SLC24A2: variants seen among roughly 807,000 people sequenced by gnomAD.
The protein encoded by SLC24A2 is sodium/potassium/calcium exchanger 2.
In SLC24A2, 36 loss-of-function variants were observed where a neutral mutation model predicts 62.0. That is an observed-to-expected ratio of 0.58 (90% CI 0.44 to 0.77). SLC24A2 has a LOEUF of 0.77. Ranked by LOEUF, SLC24A2 falls within the 30% of genes least tolerant of loss-of-function variation. SLC24A2 has a pLI of 0.00. For synonymous variants in SLC24A2, 358 were observed against 294.0 expected (o/e 1.22, Z -2.23); for missense variants, 846 against 817.9 (o/e 1.03, Z -0.42).
rs887071092 is a variant in SLC24A2 at position 19,657,250 on chromosome 9, C to T, written c.931-34951G>A. ...GTGGAAACTCAACCTGGCACTCCAT[C>T]GTCCACCATTATTGTTTTAAATCTT... On this transcript the variant is annotated intron_variant, in intron 2 of 10. Coordinates refer to ENST00000341998, the MANE Select transcript of SLC24A2 (RefSeq NM_020344.4). Among the ~76,000 whole-genome samples the T allele has an allele frequency of 6.6e-5, 10 of 152,164 alleles. No individual in the cohort carries two copies. In the East Asian group the frequency reaches 1.7e-3, roughly 26 times the overall value.
At chr9:19,560,781 T>C (rs567696937) in intron 7 of SLC24A2, among the ~76,000 whole-genome samples, 1 of 152,304 alleles carries the variant, frequency 6.6e-6, no homozygotes, top group African/African-American at 2.4e-5. Flanking sequence ...TGTGTTCACT[T>C]AGTTTATTTT....
At chr9:20,223,240 T>C in the SLC24A2 span, among the ~76,000 whole-genome samples, 21,183 of 152,092 alleles carry the variant, frequency 0.14, 1,744 homozygotes, top group African/African-American at 0.22. Context: ...TTGAAGTACA[T>C]AGAAAAACAC....
the SLC24A2 span, among the ~76,000 whole-genome samples, chr9:19,824,939 A>C: frequency 6.6e-6 from 1 of 152,174 alleles, no homozygotes; most frequent in African/African-American, 2.4e-5. Flanking sequence ...CAAACACTGC[A>C]TGTTCTCACT....
intron 2 of SLC24A2, among the ~76,000 whole-genome samples, chr9:19,772,929 G>A (rs150558768): frequency 4.5e-4 from 69 of 152,266 alleles, no homozygotes; most frequent in African/African-American, 1.6e-3. Context: ...CCCAAAATGT[G>A]AAAACAATCT....
At chr9:20,079,109 G>T in the SLC24A2 span, among the ~76,000 whole-genome samples, 1 of 144,708 alleles carries the variant, frequency 6.9e-6, no homozygotes, top group South Asian at 2.4e-4. Flanking sequence ...AATGATAATT[G>T]TCCTTACAGC....
chr9:19,575,382 C>T (rs940506424), intron 6 of SLC24A2, among the ~76,000 whole-genome samples: 2 of 152,086 alleles, frequency 1.3e-5, no homozygotes, highest in Admixed American at 6.5e-5. Context: ...TTGACCCTAG[C>T]AACACAAAAT....
At chr9:19,824,364 T>A in the SLC24A2 span, among the ~76,000 whole-genome samples, 1 of 152,086 alleles carries the variant, frequency 6.6e-6, no homozygotes. Context: ...GTGAAGGATA[T>A]GAACAAACAA....
At chr9:19,550,316 T>C in intron 7 of SLC24A2, 48 bp from the exon 8 acceptor site, 1 of 1,590,892 alleles carries the variant, frequency 6.3e-7, no homozygotes, top group Non-Finnish European at 8.6e-7. Context: ...AAATAAAATG[T>C]ACACAGGCAC....
the SLC24A2 span, among the ~76,000 whole-genome samples, chr9:20,261,708 T>C: frequency 6.6e-6 from 1 of 150,880 alleles, no homozygotes; most frequent in African/African-American, 2.4e-5. Context: ...CTGGCCATTT[T>C]GAAAATTTGT....
At chr9:20,105,313 C>T in the SLC24A2 span, among the ~76,000 whole-genome samples, 13 of 152,062 alleles carry the variant, frequency 8.5e-5, no homozygotes, top group Admixed American at 3.3e-4. Flanking sequence ...AACAAGGATA[C>T]CCAGGAATCG....
chr9:20,050,607 A>G, the SLC24A2 span, among the ~76,000 whole-genome samples: 1 of 152,168 alleles, frequency 6.6e-6, no homozygotes, highest in South Asian at 2.1e-4. Context: ...CCTCACATCA[A>G]CTCCATAAGT....
intron 2 of SLC24A2, among the ~76,000 whole-genome samples, chr9:19,700,404 T>C (rs1820321707): frequency 6.6e-6 from 1 of 152,244 alleles, no homozygotes; most frequent in Non-Finnish European, 1.5e-5. Context: ...ATCAGCACTT[T>C]CTATTCTAAT....
chr9:19,790,286 T>C (rs1353076622), upstream of SLC24A2, among the ~76,000 whole-genome samples: 1 of 152,174 alleles, frequency 6.6e-6, no homozygotes, highest in African/African-American at 2.4e-5. Context: ...TGTAAGAAAG[T>C]AGTATAATGA....
chr9:19,527,955 G>A (rs1483187735), intron 9 of SLC24A2, 94 bp downstream of exon 9: 1 of 787,300 alleles, frequency 1.3e-6, no homozygotes, highest in East Asian at 2.7e-5. Context: ...CAATACTGTT[G>A]TGGCAGTTGC....
the SLC24A2 span, among the ~76,000 whole-genome samples, chr9:20,135,702 T>A: frequency 6.6e-6 from 1 of 151,978 alleles, no homozygotes; most frequent in Non-Finnish European, 1.5e-5. Flanking sequence ...GGCTGAAAAA[T>A]TATGTGCTCG....
the SLC24A2 span, among the ~76,000 whole-genome samples, chr9:20,129,603 G>T: frequency 6.6e-6 from 1 of 151,946 alleles, no homozygotes; most frequent in Non-Finnish European, 1.5e-5. Context: ...CTCATAAAAA[G>T]GAATGAAGCA....
At chr9:19,541,295 T>A in intron 8 of SLC24A2, among the ~76,000 whole-genome samples, 1 of 150,016 alleles carries the variant, frequency 6.7e-6, no homozygotes, top group African/African-American at 2.5e-5. Context: ...CTTTTTAGAG[T>A]TTCCAGTTTT....
chr9:19,600,552 G>A (rs190959624), intron 4 of SLC24A2, among the ~76,000 whole-genome samples: 48 of 152,238 alleles, frequency 3.2e-4, no homozygotes, highest in Admixed American at 9.2e-4. Context: ...TATCATCCTC[G>A]AACAGTGAAC....
At chr9:19,806,078 G>A in the SLC24A2 span, among the ~76,000 whole-genome samples, 2 of 152,014 alleles carry the variant, frequency 1.3e-5, no homozygotes, top group Non-Finnish European at 2.9e-5. Flanking sequence ...TATTAATCAA[G>A]TATTAGGATA....
Sources: gnomAD v4.1 joint callset for allele counts (sites outside exome capture counted in the v4.1 genomes callset) on GRCh38, gnomAD v4.1.1 for gene constraint, MANE v1.5 for transcripts, NCBI Gene and HGNC (gene_info 2026-07-23, HGNC 2026-07-21) for gene names.